The following SKAP1 variants were observed in gnomAD, a reference collection of about 807,000 sequenced individuals.
SKAP1 encodes src kinase-associated phosphoprotein 1.
A neutral mutation model predicts 58.5 loss-of-function variants in SKAP1; 44 were observed. That is an observed-to-expected ratio of 0.75 (90% CI 0.59 to 0.97). The LOEUF is 0.97. Among genes scored for constraint, SKAP1 ranks in the 50% least tolerant of loss-of-function variants. The probability of loss-of-function intolerance (pLI) is 0.00; values close to 1 mark genes in which losing one functional copy is unlikely to be tolerated. For synonymous variants in SKAP1, 127 were observed against 149.7 expected (o/e 0.85, Z 1.11); for missense variants, 390 against 435.2 (o/e 0.90, Z 0.92).
chr17:48,148,209 AAC>A (rs1206591301), intron 11 of SKAP1, among the ~76,000 whole-genome samples: 2 of 152,294 alleles, frequency 1.3e-5, no homozygotes, highest in East Asian at 1.9e-4. Flanking sequence ...ATGTGTGCAA[AAC>A]ACAGAGTGGG....
intron 2 of SKAP1, among the ~76,000 whole-genome samples, chr17:48,379,683 T>C (rs2067191330): frequency 8.9e-6 from 1 of 112,842 alleles, no homozygotes; most frequent in African/African-American, 4.7e-5. Flanking sequence ...TATCTTCTTC[T>C]TTTTTTTTTT....
chr17:48,411,004 T>A (rs1414473014), intron 1 of SKAP1, among the ~76,000 whole-genome samples: 1 of 147,784 alleles, frequency 6.8e-6, no homozygotes, highest in Non-Finnish European at 1.5e-5. Context: ...TGGCCAAAAC[T>A]GGAACAATTT....
In SKAP1 at chr17:48,182,443, A is replaced by C. The variant is rs2064382241; in HGVS notation, c.582T>G (p.Ser194Arg). ...DRRSYEFTATSPAEARDWVDQ... is the reference protein window; with the variant it reads ...DRRSYEFTATRPAEARDWVDQ... ...CCACCCAGTCTCTGGCTTCTGCTGG[A>C]CTAGTAGCTGTAAACTAGAGAAAAA... Residue 194 changes from serine (S) to arginine (R), a missense_variant, in exon 8 of 13, where the codon AGT becomes AGG. By Grantham distance (110) the Ser-to-Arg change is moderately radical. Coordinates refer to ENST00000336915, the MANE Select transcript of SKAP1 (RefSeq NM_003726.4). The C allele has an allele frequency of 1.9e-6, 3 of 1,609,316 alleles. No homozygotes were observed. Among genetic ancestry groups the C allele is most frequent in the Non-Finnish European group, 2.5e-6 (3 of 1,177,182 alleles).
At chr17:48,394,270 T>G (rs1229490790) in intron 2 of SKAP1, among the ~76,000 whole-genome samples, 1 of 152,100 alleles carries the variant, frequency 6.6e-6, no homozygotes, top group Non-Finnish European at 1.5e-5. Context: ...AAGAAACCCT[T>G]TTAAATGATC....
rs67180445 is a variant in SKAP1 at position 48,361,071 on chromosome 17, GTACTATACTATACTATACTATACTA to G, written c.178+2693_178+2717del. ...TGGTGATGGTTGCACAACTTGTACT[GTACTATACTATACTATACTATACTA>G]TACTATACTATACTATACTATACTA... On this transcript the variant is annotated intron_variant, in intron 3 of 12. Transcript: ENST00000336915. Among the ~76,000 whole-genome samples the G allele has an allele frequency of 2.3e-3, 331 of 145,482 alleles. 1 individual carries two copies. The highest frequency in any genetic ancestry group is 7.9e-3 in the African/African-American group (310 of 39,054).
At chr17:48,382,887 G>A (rs983528795) in intron 2 of SKAP1, among the ~76,000 whole-genome samples, 14 of 152,184 alleles carry the variant, frequency 9.2e-5, no homozygotes, top group African/African-American at 2.2e-4. Context: ...TCTCTAAGGG[G>A]TGAAACTGCA....
chr17:48,270,595 C>T (rs1050720027), intron 4 of SKAP1, among the ~76,000 whole-genome samples: 2 of 152,082 alleles, frequency 1.3e-5, no homozygotes, highest in Non-Finnish European at 2.9e-5. Context: ...CCGGCCTCGA[C>T]CTCCCAAAGT....
At chr17:48,155,905 G>A (rs1388794525) in intron 11 of SKAP1, among the ~76,000 whole-genome samples, 1 of 152,172 alleles carries the variant, frequency 6.6e-6, no homozygotes, top group Non-Finnish European at 1.5e-5. Context: ...TCCACAAAAG[G>A]GTCTTGCAAT....
intron 4 of SKAP1, among the ~76,000 whole-genome samples, chr17:48,237,893 G>A (rs1395386614): frequency 6.7e-6 from 1 of 149,762 alleles, no homozygotes; most frequent in Non-Finnish European, 1.5e-5. Flanking sequence ...GGCTGGTGAA[G>A]GGAAAGATTG....
At chr17:48,150,920 T>C (rs970673944) in intron 11 of SKAP1, among the ~76,000 whole-genome samples, 6 of 152,212 alleles carry the variant, frequency 3.9e-5, no homozygotes, top group African/African-American at 1.4e-4. Context: ...CTGTGGCTCC[T>C]GTGAACCTCG....
intron 8 of SKAP1, among the ~76,000 whole-genome samples, chr17:48,182,006 TA>T (rs767955086): frequency 1.3e-5 from 2 of 152,196 alleles, no homozygotes; most frequent in Non-Finnish European, 2.9e-5. Context: ...AAGACTAAAA[TA>T]AGGAGATTTT....
At position 48,183,125 on chromosome 17, in the gene SKAP1, G is replaced by GCA. The variant is rs1598403888; in HGVS notation, c.568-670_568-669dup. Among the ~76,000 whole-genome samples, 5 of 152,256 alleles carry GCA rather than the reference G, an allele frequency of 3.3e-5. No individual in the cohort carries two copies. In the East Asian group the frequency reaches 9.6e-4, roughly 29 times the overall value. ...CTAGGAGTTCAGAGTTAAAATGCAGGCAACAGGAAGCCACTATCAGCTCTA... is the reference window on the plus strand; with the variant it reads ...CTAGGAGTTCAGAGTTAAAATGCAGGCACAACAGGAAGCCACTATCAGCTCTA... On this transcript the variant is annotated intron_variant, in intron 7 of 12. Transcript: ENST00000336915.
At chr17:48,443,447 C>G in the SKAP1 span, among the ~76,000 whole-genome samples, 3 of 143,706 alleles carry the variant, frequency 2.1e-5, no homozygotes, top group South Asian at 4.6e-4. Context: ...TGAGTGAGTG[C>G]TACAAGGTAA....
At chr17:48,417,346 A>T (rs1195613400) in intron 1 of SKAP1, among the ~76,000 whole-genome samples, 1 of 152,226 alleles carries the variant, frequency 6.6e-6, no homozygotes, top group African/African-American at 2.4e-5. Flanking sequence ...AAACTAAAAC[A>T]ATGAGAGTAC....
chr17:48,274,586 C>A (rs2144003409), intron 4 of SKAP1, among the ~76,000 whole-genome samples: 1 of 152,100 alleles, frequency 6.6e-6, no homozygotes. Context: ...ATCCCAGCTG[C>A]TCAGAAGGCT....
intron 10 of SKAP1, among the ~76,000 whole-genome samples, chr17:48,163,264 CAG>C (rs1446653069): frequency 6.6e-6 from 1 of 152,164 alleles, no homozygotes; most frequent in Non-Finnish European, 1.5e-5. Flanking sequence ...CCCAGGGGAA[CAG>C]AAACCAAAGT....
chr17:48,250,308 GT>G (rs1372944679), intron 4 of SKAP1, among the ~76,000 whole-genome samples: 4 of 102,988 alleles, frequency 3.9e-5, no homozygotes, highest in Admixed American at 1.2e-4. Context: ...TTGAGATGGA[GT>G]TTCACTCTGT....
intron 2 of SKAP1, among the ~76,000 whole-genome samples, chr17:48,375,326 C>T (rs1281480081): frequency 1.1e-5 from 1 of 94,398 alleles, no homozygotes; most frequent in African/African-American, 3.8e-5. Context: ...ACCTGCTCCC[C>T]CACCACAATT....
chr17:48,396,604 C>T, intron 2 of SKAP1, 76 bp downstream of exon 2: 1 of 951,652 alleles, frequency 1.1e-6, no homozygotes, highest in Non-Finnish European at 1.6e-6. Flanking sequence ...TATGTCTTAC[C>T]TTGTGACTTT....
Sources: allele counts gnomAD v4.1 joint callset (sites outside exome capture counted in the v4.1 genomes callset), GRCh38; gene constraint gnomAD v4.1.1; transcripts MANE v1.5; gene names NCBI Gene and HGNC (gene_info 2026-07-23, HGNC 2026-07-21).